Variants in SIRPB1 observed in about 807,000 individuals in gnomAD.
SIRPB1 encodes signal-regulatory protein beta-1.
A neutral mutation model predicts 34.1 loss-of-function variants in SIRPB1; 28 were observed. The ratio of observed to expected loss-of-function variants is 0.82; its 90% CI spans 0.61 to 1.12. SIRPB1 has a LOEUF of 1.12. Among genes scored for constraint, SIRPB1 ranks in the 50% most tolerant of loss-of-function variants. SIRPB1 has a pLI of 0.00. For synonymous variants in SIRPB1, 211 were observed against 203.8 expected (o/e 1.04, Z -0.30); for missense variants, 499 against 507.0 (o/e 0.98, Z 0.15).
intron 4 of SIRPB1, among the ~76,000 whole-genome samples, chr20:1,570,293 G>C (rs573557234): frequency 1.3e-5 from 2 of 152,336 alleles, no homozygotes; most frequent in South Asian, 4.1e-4. Flanking sequence ...GCTGTGACCA[G>C]GTCACCTGGG....
rs751141937 is a variant in SIRPB1 at position 1,571,074 on chromosome 20, C to T, written c.815G>A (p.Cys272Tyr). 3.1e-6 allele frequency: 5 copies of T among 1,614,104 alleles called. No homozygotes were observed. Among genetic ancestry groups the T allele is most frequent in the Non-Finnish European group, 4.2e-6 (5 of 1,179,962 alleles). The change falls in exon 4 of 6, where the codon TGC (cysteine) becomes TAC (tyrosine). Residue 272 changes from cysteine (C) to tyrosine (Y), a missense_variant. Physicochemically the swap from Cys to Tyr is radical, Grantham distance 194. Transcript: ENST00000381605. ...CCGGGGGTAGAAATTGCTCACCTGG[C>T]AGGTGACGTTTGCCTGGTTCTCTGC... ...MRAENQANVTCQVSNFYPRGL... is the reference protein window; with the variant it reads ...MRAENQANVTYQVSNFYPRGL...
In SIRPB1 at chr20:1,577,334, C is replaced by T. The variant is rs563490494; in HGVS notation, c.433+1004G>A. ...ATATGGACTCTGGCTCCAATTCTGT[C>T]ACTAACTGGCCCTGTGACCATGGAC... On this transcript the variant is annotated intron_variant, in intron 2 of 5. Coordinates refer to ENST00000381605, the MANE Select transcript of SIRPB1 (RefSeq NM_006065.5). 2.3e-4 allele frequency among the ~76,000 whole-genome samples: 34 copies of T among 147,736 alleles called. 2 individuals are homozygous for T. The South Asian group carries it at 6.6e-3, about 29-fold the overall frequency.
chr20:1,589,649 T>C lies in SIRPB1; in HGVS notation c.77-10955A>G, dbSNP rs1464007727. On this transcript the variant is annotated intron_variant, in intron 1 of 5. Coordinates refer to ENST00000381605, the MANE Select transcript of SIRPB1 (RefSeq NM_006065.5). Reference sequence around the variant, plus strand: ...CCATGCCTGAAACCCAGTAGGTCATTATTGATGCTAATGACACCAGGTGAA... The same window carrying C: ...CCATGCCTGAAACCCAGTAGGTCATCATTGATGCTAATGACACCAGGTGAA... 4.1e-5 allele frequency among the ~76,000 whole-genome samples: 2 copies of C among 48,614 alleles called. 1 individual carries two copies. Among genetic ancestry groups the C allele is most frequent in the African/African-American group, 2.7e-4 (2 of 7,290 alleles). 31.9% of individuals were successfully genotyped at this position (48,614 alleles called of 152,430 possible). A position where few individuals can be genotyped will look rare whatever the true frequency, so the allele number is the denominator to read the frequency against.
chr20:1,565,771 T>C (rs1476113632), intron 5 of SIRPB1, among the ~76,000 whole-genome samples: 1 of 151,150 alleles, frequency 6.6e-6, no homozygotes, highest in African/African-American at 2.4e-5. Context: ...TATCTGGGAA[T>C]TCTCAACACT....
At chr20:1,616,133 T>A (rs1227893803) in intron 1 of SIRPB1, among the ~76,000 whole-genome samples, 2 of 152,112 alleles carry the variant, frequency 1.3e-5, no homozygotes, top group Non-Finnish European at 2.9e-5. Context: ...GTTAAAAATA[T>A]ACATACTACC....
Position 1,571,848 on chromosome 20 carries a change from A to G in SIRPB1, c.623T>C (p.Ile208Thr). The change falls in exon 3 of 6, where the codon ATC becomes ACC. Residue 208 changes from isoleucine (I) to threonine (T), a missense_variant. By Grantham distance (89) the Ile-to-Thr change is moderately conservative. Coordinates refer to ENST00000381605, the MANE Select transcript of SIRPB1 (RefSeq NM_006065.5). ...DPAGDSVSYS[I>T]HSTARVVLTR... ...CAGCACCACCCTGGCTGTGCTGTGG[A>G]TGCTGTAGGACACACTGTCTCCTGC... 1 of 1,614,174 alleles carries G rather than the reference A, an allele frequency of 6.2e-7. No individual in the cohort carries two copies. Among genetic ancestry groups the G allele is most frequent in the Non-Finnish European group, 8.5e-7 (1 of 1,180,022 alleles).
intron 2 of SIRPB1, 97 bp downstream of exon 2, chr20:1,578,241 C>A (rs2091345546): frequency 7.4e-7 from 1 of 1,345,310 alleles, no homozygotes; most frequent in Non-Finnish European, 1.1e-6. Context: ...GGCTGCTCAG[C>A]CACCACCACA....
chr20:1,576,498 C>T (rs1481010553), intron 2 of SIRPB1, among the ~76,000 whole-genome samples: 1 of 148,226 alleles, frequency 6.7e-6, no homozygotes, highest in East Asian at 1.9e-4. Context: ...TTGCTTATAT[C>T]CTCACAAGTC....
chr20:1,570,582 C>T (rs532000308), intron 4 of SIRPB1: 21 of 442,268 alleles, frequency 4.7e-5, no homozygotes, highest in South Asian at 3.3e-4. Flanking sequence ...TCAGACTTGA[C>T]GCACAGTTTC....
In SIRPB1 at chr20:1,562,488, A is replaced by G. The variant is rs1352352297; in HGVS notation, c.*3012T>C. Among the ~76,000 whole-genome samples, 2 of 151,932 alleles carry G rather than the reference A, an allele frequency of 1.3e-5. No individual in the cohort carries two copies. The highest frequency in any genetic ancestry group is 2.9e-5 in the Non-Finnish European group (2 of 68,006). On this transcript the variant is annotated 3_prime_UTR_variant, in exon 6 of 6. Transcript: ENST00000381605. ...CTGACATTCCATTTGCGTAACATAGATAAATACAGGCAGTTCTCACTTTGG... is the reference window on the plus strand; with the variant it reads ...CTGACATTCCATTTGCGTAACATAGGTAAATACAGGCAGTTCTCACTTTGG...
At chr20:1,594,032 G>A (rs904216689) in intron 1 of SIRPB1, among the ~76,000 whole-genome samples, 1 of 47,636 alleles carries the variant, frequency 2.1e-5, no homozygotes, top group Admixed American at 1.4e-4. Context: ...TGGAGAAACC[G>A]TGGCTCTACT....
chr20:1,571,684 A>G (rs756555910), intron 3 of SIRPB1, 36 bp downstream of exon 3: 17 of 1,612,762 alleles, frequency 1.1e-5, no homozygotes, highest in Non-Finnish European at 1.4e-5. Flanking sequence ...CTTGGCAGCC[A>G]GGTGTGGGCT....
rs1169117747 is a variant in SIRPB1, at chr20:1,586,225, G to A, written c.77-7531C>T. ...GATGATTTATATCCTTCAAAATTGC[G>A]AAGTGCATAGATTTTAGGAGTTCTC... On this transcript the variant is annotated intron_variant, in intron 1 of 5. Coordinates refer to ENST00000381605, the MANE Select transcript of SIRPB1 (RefSeq NM_006065.5). Among the ~76,000 whole-genome samples, 2 of 48,758 alleles carry A rather than the reference G, an allele frequency of 4.1e-5. 1 individual carries two copies. The highest frequency in any genetic ancestry group is 2.7e-4 in the African/African-American group (2 of 7,376). 32.0% of individuals were successfully genotyped at this position (48,758 alleles called of 152,430 possible). A position where few individuals can be genotyped will look rare whatever the true frequency, so the allele number is the denominator to read the frequency against.
chr20:1,576,764 C>G (rs2091317424), intron 2 of SIRPB1, among the ~76,000 whole-genome samples: 1 of 148,372 alleles, frequency 6.7e-6, no homozygotes, highest in African/African-American at 2.4e-5. Context: ...ATTAGCCAGG[C>G]ATGGTAGCTC....
rs1202235871 is a variant in SIRPB1 at position 1,619,916 on chromosome 20, A to C, written c.29T>G (p.Leu10Arg). The change falls in exon 1 of 6, where the codon CTT (leucine) becomes CGT (arginine). Residue 10 changes from leucine (L) to arginine (R), a missense_variant. Physicochemically the swap from Leu to Arg is moderately radical, Grantham distance 102. Coordinates refer to ENST00000381605, the MANE Select transcript of SIRPB1 (RefSeq NM_006065.5). ...CGTCATCAGCAGGAAAGGACTAGGA[A>C]GGTGGGGCCAGGAGGCTGGCACGGG... Reference protein sequence around the residue: MPVPASWPHLPSPFLLMTLL... With the variant: MPVPASWPHRPSPFLLMTLL... 1 of 1,613,898 alleles carries C rather than the reference A, an allele frequency of 6.2e-7. No individual in the cohort carries two copies.
intron 1 of SIRPB1, among the ~76,000 whole-genome samples, chr20:1,618,274 A>G (rs1013623324): frequency 6.6e-6 from 1 of 152,158 alleles, no homozygotes; most frequent in Non-Finnish European, 1.5e-5. Flanking sequence ...AATTAATTCT[A>G]TGTTTACTTC....
chr20:1,576,104 G>A (rs1409662509), intron 2 of SIRPB1, among the ~76,000 whole-genome samples: 2 of 142,282 alleles, frequency 1.4e-5, no homozygotes, highest in Admixed American at 1.4e-4. Context: ...ATGGCAAAGA[G>A]GAGTGAGTAC....
chr20:1,613,627 A>C (rs2422634), intron 1 of SIRPB1, among the ~76,000 whole-genome samples: 3 of 152,256 alleles, frequency 2.0e-5, no homozygotes, highest in Non-Finnish European at 4.4e-5. Flanking sequence ...GGGTATAAGC[A>C]GGTGGAAGAA....
At chr20:1,573,696 T>G (rs1268001997) in intron 2 of SIRPB1, among the ~76,000 whole-genome samples, 1 of 147,716 alleles carries the variant, frequency 6.8e-6, no homozygotes, top group Admixed American at 6.7e-5. Flanking sequence ...CTCTCAGCAC[T>G]TCAATCCTCC....
Sources: gnomAD v4.1 joint callset for allele counts (sites outside exome capture counted in the v4.1 genomes callset) on GRCh38, gnomAD v4.1.1 for gene constraint, MANE v1.5 for transcripts, NCBI Gene and HGNC (gene_info 2026-07-23, HGNC 2026-07-21) for gene names.